The following ECT2L variants were observed in gnomAD, a reference collection of about 807,000 sequenced individuals.
ECT2L encodes epithelial cell-transforming sequence 2 oncogene-like.
A neutral mutation model predicts 122.8 loss-of-function variants in ECT2L; 126 were observed. That is an observed-to-expected ratio of 1.03 (90% CI 0.89 to 1.19). ECT2L has a LOEUF of 1.19. Among genes scored for constraint, ECT2L ranks in the 50% most tolerant of loss-of-function variants. The pLI is 0.00. For synonymous variants in ECT2L, 385 were observed against 381.8 expected (o/e 1.01, Z -0.10); for missense variants, 1,012 against 1,064.1 (o/e 0.95, Z 0.68).
chr6:138,823,455 C>T (rs1776333455), intron 4 of ECT2L: 4 of 1,606,324 alleles, frequency 2.5e-6, no homozygotes, highest in South Asian at 1.1e-5. Context: ...TAAAATATCT[C>T]GACCCCTAAA....
chr6:138,847,132 T>G (rs1777250564), intron 8 of ECT2L, among the ~76,000 whole-genome samples: 1 of 150,884 alleles, frequency 6.6e-6, no homozygotes, highest in African/African-American at 2.4e-5. Context: ...TAGCCGGGTG[T>G]GGTGGTGTGT....
chr6:138,901,203 G>A, intron 21 of ECT2L, 83 bp downstream of exon 21: 2 of 1,358,734 alleles, frequency 1.5e-6, no homozygotes, highest in South Asian at 1.5e-5. Flanking sequence ...AGTAGAAAAA[G>A]GACTGGAATT....
intron 20 of ECT2L, among the ~76,000 whole-genome samples, chr6:138,897,194 A>G (rs1322141305): frequency 1.3e-5 from 2 of 152,166 alleles, no homozygotes; most frequent in African/African-American, 4.8e-5. Flanking sequence ...TCTGAGTGTG[A>G]GCAGAGGCAG....
At chr6:138,894,372 T>C (rs1779142328) in intron 20 of ECT2L, among the ~76,000 whole-genome samples, 1 of 152,166 alleles carries the variant, frequency 6.6e-6, no homozygotes, top group Admixed American at 6.5e-5. Flanking sequence ...TCCAAGCTCT[T>C]TACATGTGGA....
chr6:138,882,885 A>G lies in ECT2L; in HGVS notation c.2028+14A>G. The G allele has an allele frequency of 6.2e-7, 1 of 1,613,238 alleles. No individual in the cohort carries two copies. The highest frequency in any genetic ancestry group is 8.5e-7 in the Non-Finnish European group (1 of 1,179,492). ...ACTATTGAGAAGGTAAATGAGTTTC[A>G]ATTCCATCATTCTATAAGACCTGAG... On this transcript the variant is annotated intron_variant, in intron 16 of 21. Transcript: ENST00000541398.
rs559748652 is a variant in ECT2L, at chr6:138,808,186, T to C, written c.-243-4652T>C. On this transcript the variant is annotated intron_variant, in intron 1 of 21. Coordinates refer to ENST00000541398, the MANE Select transcript of ECT2L (RefSeq NM_001077706.3). ...CTTTAAAATTTTTATCTGGATAAAA[T>C]TTTTAGTATTCTATGTGGAATACTT... 4.6e-5 allele frequency among the ~76,000 whole-genome samples: 7 copies of C among 152,326 alleles called. 1 individual carries two copies. Among genetic ancestry groups the C allele is most frequent in the African/African-American group, 1.7e-4 (7 of 41,578 alleles).
intron 7 of ECT2L, 93 bp downstream of exon 7, chr6:138,844,673 G>A (rs369668700): frequency 4.2e-6 from 5 of 1,200,386 alleles, no homozygotes; most frequent in Middle Eastern, 1.9e-4. Flanking sequence ...GAAATCTTGT[G>A]TAATTCTGTG....
chr6:138,856,684 C>T (rs569738663), intron 10 of ECT2L, among the ~76,000 whole-genome samples: 1 of 152,284 alleles, frequency 6.6e-6, no homozygotes, highest in Middle Eastern at 3.4e-3. Flanking sequence ...AATCCCAATT[C>T]ATTTGGTTAA....
chr6:138,806,669 C>G (rs1024569383), intron 1 of ECT2L, among the ~76,000 whole-genome samples: 1 of 151,894 alleles, frequency 6.6e-6, no homozygotes, highest in Non-Finnish European at 1.5e-5. Context: ...CCCACCACCA[C>G]GCCCAGCTAA....
intron 11 of ECT2L, 27 bp downstream of exon 11, chr6:138,862,746 C>G (rs374094056): frequency 2.2e-5 from 35 of 1,581,792 alleles, no homozygotes; most frequent in Admixed American, 3.3e-5. Flanking sequence ...CTGAGCGCCA[C>G]GTCCAATAAC....
intron 16 of ECT2L, among the ~76,000 whole-genome samples, chr6:138,885,210 A>T (rs1459781507): frequency 1.3e-5 from 2 of 151,696 alleles, no homozygotes; most frequent in Non-Finnish European, 2.9e-5. Context: ...TTGTATTTTT[A>T]GTAGAGACAG....
At chr6:138,837,459 T>C (rs1014499423) in intron 4 of ECT2L, among the ~76,000 whole-genome samples, 3 of 152,152 alleles carry the variant, frequency 2.0e-5, no homozygotes, top group African/African-American at 7.2e-5. Flanking sequence ...GTCTCTTCTA[T>C]ACCTGCTACA....
intron 15 of ECT2L, among the ~76,000 whole-genome samples, chr6:138,881,843 C>T (rs1190230404): frequency 1.3e-5 from 2 of 152,126 alleles, no homozygotes; most frequent in Non-Finnish European, 2.9e-5. Flanking sequence ...TTCACTCACT[C>T]AACCCCCACT....
chr6:138,891,580 C>A (rs896386598), intron 20 of ECT2L, among the ~76,000 whole-genome samples: 2 of 53,386 alleles, frequency 3.7e-5, no homozygotes, highest in African/African-American at 1.8e-4. Context: ...ATCAAAAAAT[C>A]TTTTGAATCC....
chr6:138,832,247 T>G (rs1776673160), intron 4 of ECT2L, among the ~76,000 whole-genome samples: 1 of 152,158 alleles, frequency 6.6e-6, no homozygotes, highest in Admixed American at 6.5e-5. Flanking sequence ...GATTTCTCTT[T>G]GAATATTTTC....
chr6:138,878,566 C>A (rs973402071), intron 14 of ECT2L, among the ~76,000 whole-genome samples: 1 of 152,130 alleles, frequency 6.6e-6, no homozygotes, highest in African/African-American at 2.4e-5. Context: ...ACTGCCTCAG[C>A]CTCCTGAGTA....
chr6:138,872,890 A>G (rs1184440502), intron 13 of ECT2L, among the ~76,000 whole-genome samples: 1 of 152,134 alleles, frequency 6.6e-6, no homozygotes, highest in Non-Finnish European at 1.5e-5. Flanking sequence ...TAAGGACCAA[A>G]CTAAGGTGCT....
chr6:138,851,422 A>C (rs1207589412), intron 9 of ECT2L, among the ~76,000 whole-genome samples: 1 of 150,958 alleles, frequency 6.6e-6, no homozygotes, highest in Admixed American at 6.6e-5. Context: ...AGCCTCAAGC[A>C]ATCCTTCCAC....
chr6:138,814,851 TTCAG>T (rs1776017247), intron 4 of ECT2L, among the ~76,000 whole-genome samples: 1 of 152,202 alleles, frequency 6.6e-6, no homozygotes, highest in African/African-American at 2.4e-5. Flanking sequence ...ACACAATGGC[TTCAG>T]TCAGTGAATT....
Sources: gnomAD v4.1 joint callset for allele counts (sites outside exome capture counted in the v4.1 genomes callset) on GRCh38, gnomAD v4.1.1 for gene constraint, MANE v1.5 for transcripts, NCBI Gene and HGNC (gene_info 2026-07-23, HGNC 2026-07-21) for gene names.